Variants in EIF4G3 observed in about 807,000 individuals in gnomAD.
The protein encoded by EIF4G3 is eukaryotic translation initiation factor 4 gamma 3.
In EIF4G3, 34 loss-of-function variants were observed where a neutral mutation model predicts 186.4. The observed-to-expected ratio is 0.18, with a 90% CI of 0.14 to 0.24. The LOEUF is 0.24. Among genes scored for constraint, EIF4G3 ranks in the 10% least tolerant of loss-of-function variants. The probability of loss-of-function intolerance (pLI) is 1.00; values close to 1 mark genes in which losing one functional copy is unlikely to be tolerated. For missense variants in EIF4G3, 1,536 were observed against 1,948.5 expected, an observed-to-expected ratio of 0.79 and a Z score of 3.99; for synonymous variants, 673 against 679.5, an observed-to-expected ratio of 0.99 and a Z score of 0.15.
intron 13 of EIF4G3, among the ~76,000 whole-genome samples, chr1:20,946,913 G>A (rs1421680231): frequency 6.6e-6 from 1 of 152,058 alleles, no homozygotes; most frequent in Non-Finnish European, 1.5e-5. Flanking sequence ...CAAACTCTCA[G>A]TAAAGACATT....
chr1:20,869,863 C>A (rs1484830871), intron 20 of EIF4G3, among the ~76,000 whole-genome samples: 2 of 151,526 alleles, frequency 1.3e-5, no homozygotes, highest in East Asian at 3.9e-4. Flanking sequence ...ACTCTCAGGT[C>A]CATGGTGACA....
chr1:21,053,616 C>T (rs1421110531), intron 3 of EIF4G3, among the ~76,000 whole-genome samples: 13 of 141,886 alleles, frequency 9.2e-5, no homozygotes, highest in Non-Finnish European at 1.6e-5. Flanking sequence ...CCCCGCCCGG[C>T]CACCCGCCCC....
chr1:21,130,216 CTTTTT>C (rs71014159), intron 2 of EIF4G3, among the ~76,000 whole-genome samples: 7 of 75,348 alleles, frequency 9.3e-5, no homozygotes, highest in South Asian at 6.3e-4. Context: ...GACCCCATCT[CTTTTT>C]TTTTTTTTTT....
chr1:21,007,538 C>CAAAAAAAAAAAAAAA (rs1471121881), intron 4 of EIF4G3, among the ~76,000 whole-genome samples: 11 of 58,510 alleles, frequency 1.9e-4, no homozygotes, highest in Admixed American at 3.0e-4. Flanking sequence ...AAAAAAAAAA[C>CAAAAAAAAAAAAAAA]ACACTCAAAA....
chr1:20,957,517 T>A (rs1329812672), intron 12 of EIF4G3, among the ~76,000 whole-genome samples: 1 of 125,380 alleles, frequency 8.0e-6, no homozygotes, highest in African/African-American at 2.8e-5. Context: ...AACAAGACTC[T>A]GTCTCAAAAA....
At chr1:20,845,315 T>C (rs146955889) in intron 29 of EIF4G3, among the ~76,000 whole-genome samples, 5 of 152,320 alleles carry the variant, frequency 3.3e-5, no homozygotes, top group Non-Finnish European at 5.9e-5. Context: ...CACTGGTCTA[T>C]GTGTCTGTTC....
At position 20,817,523 on chromosome 1, in the gene EIF4G3, C is replaced by A; in HGVS notation, c.4384G>T (p.Glu1462Ter). ...TCAGAGGAACAGGGACTGTCAGACT[C>A]TATGAAGTCCAACTTCTGAAACATA... ...FLLEQKLDFI[E>*]SDSPCSSEAL... The change falls in exon 34 of 37, where the codon GAG becomes TAG. Residue 1462 changes from glutamate to a stop codon, truncating the protein, a stop_gained. Transcript: ENST00000602326. LOFTEE classifies it high-confidence loss of function. 6.3e-7 allele frequency: 1 copy of A among 1,594,660 alleles called. No homozygotes were observed. Among genetic ancestry groups the A allele is most frequent in the Non-Finnish European group, 8.5e-7 (1 of 1,169,900 alleles).
At chr1:20,896,678 C>T (rs944028718) in intron 16 of EIF4G3, among the ~76,000 whole-genome samples, 1 of 152,112 alleles carries the variant, frequency 6.6e-6, no homozygotes, top group African/African-American at 2.4e-5. Context: ...ACAGTAATGT[C>T]CTAGGCTTTT....
rs186608496 is a variant in EIF4G3 at position 20,922,512 on chromosome 1, G to T, written c.1664-17541C>A. Among the ~76,000 whole-genome samples the T allele has an allele frequency of 1.9e-3, 294 of 152,182 alleles. 1 individual carries two copies. Among genetic ancestry groups the T allele is most frequent in the Non-Finnish European group, 3.7e-3 (253 of 67,994 alleles). On this transcript the variant is annotated intron_variant, in intron 14 of 36. Transcript: ENST00000602326. ...GGGTTTCTCCATGTTGGTCAGGCTG[G>T]TCTCAAACTCCCAACCTCAGATAAT...
At chr1:21,020,925 A>C (rs2090524924) in intron 4 of EIF4G3, among the ~76,000 whole-genome samples, 1 of 152,006 alleles carries the variant, frequency 6.6e-6, no homozygotes, top group South Asian at 2.1e-4. Context: ...GATTGATCAC[A>C]CATTCCCACT....
intron 8 of EIF4G3, 81 bp downstream of exon 8, chr1:20,982,307 C>T (rs1307777691): frequency 1.1e-6 from 1 of 942,808 alleles, no homozygotes; most frequent in Non-Finnish European, 1.5e-6. Flanking sequence ...GTGAATGTAT[C>T]CATTCATTAG....
chr1:21,111,549 A>G (rs1158103396), intron 2 of EIF4G3: 2 of 315,366 alleles, frequency 6.3e-6, no homozygotes, highest in Non-Finnish European at 1.3e-5. Context: ...AATTAAGAGC[A>G]CCAACGGATC....
rs533713048 is a variant in EIF4G3, at chr1:21,012,283, A to G, written c.-66-9475T>C. Among the ~76,000 whole-genome samples the G allele has an allele frequency of 1.2e-3, 187 of 152,260 alleles. 1 individual carries two copies. The highest frequency in any genetic ancestry group is 4.3e-3 in the African/African-American group (177 of 41,556). On this transcript the variant is annotated intron_variant, in intron 4 of 36. Transcript: ENST00000602326. The stretch of plus-strand genomic sequence containing the variant: ...TATTGTGACCCTAAAATGGTTTTCC[A>G]TTCACATTGCTTAGAGGCACCTGCA...
In EIF4G3 at chr1:20,962,908, GTTTTT is replaced by G. The variant is rs66593105; in HGVS notation, c.714+6561_714+6565del. ...ATGTAATATTGCCTCTTGTAGTTTT[GTTTTT>G]TTTTTGTTTTTTTTTTTTTTGAGAG... On this transcript the variant is annotated intron_variant, in intron 12 of 36. Coordinates refer to ENST00000602326, the MANE Select transcript of EIF4G3 (RefSeq NM_001391906.1). Among the ~76,000 whole-genome samples, 19 of 139,212 alleles carry G rather than the reference GTTTTT, an allele frequency of 1.4e-4. No individual in the cohort carries two copies. In the East Asian group the frequency reaches 4.1e-3, roughly 30 times the overall value. 91.3% of individuals were successfully genotyped at this position (139,212 alleles called of 152,430 possible). A position where few individuals can be genotyped will look rare whatever the true frequency, so the allele number is the denominator to read the frequency against.
At chr1:20,864,441 C>T (rs901185290) in intron 22 of EIF4G3, 35 bp downstream of exon 22, 1 of 1,494,322 alleles carries the variant, frequency 6.7e-7, no homozygotes, top group South Asian at 1.1e-5. Context: ...TGACAAGGAG[C>T]CTTTGCGAAG....
intron 30 of EIF4G3, among the ~76,000 whole-genome samples, chr1:20,832,691 T>C (rs1571294003): frequency 6.6e-6 from 1 of 150,546 alleles, no homozygotes; most frequent in East Asian, 1.9e-4. Context: ...TGCCCGTGCC[T>C]ATGTCCTGAA....
intron 14 of EIF4G3, among the ~76,000 whole-genome samples, chr1:20,938,422 A>G (rs2095589998): frequency 6.6e-6 from 1 of 152,222 alleles, no homozygotes; most frequent in Non-Finnish European, 1.5e-5. Context: ...AACTATCTCT[A>G]TACCAACTGA....
chr1:21,093,647 C>A (rs998159519), intron 2 of EIF4G3, among the ~76,000 whole-genome samples: 2 of 152,146 alleles, frequency 1.3e-5, no homozygotes, highest in African/African-American at 4.8e-5. Context: ...AAGACACATG[C>A]ACATGTATGT....
At chr1:21,012,209 G>A (rs1364600676) in intron 4 of EIF4G3, among the ~76,000 whole-genome samples, 1 of 151,848 alleles carries the variant, frequency 6.6e-6, no homozygotes, top group Non-Finnish European at 1.5e-5. Context: ...TAAGGGTTTC[G>A]GGACAGTCGT....
Sources: allele counts gnomAD v4.1 joint callset (sites outside exome capture counted in the v4.1 genomes callset), GRCh38; gene constraint gnomAD v4.1.1; transcripts MANE v1.5; gene names NCBI Gene and HGNC (gene_info 2026-07-23, HGNC 2026-07-21).